Variants in GLIS3 observed in about 807,000 individuals in gnomAD.
GLIS3 encodes the protein GLIS family zinc finger 3.
Under a neutral mutation model 78.6 loss-of-function variants are expected in GLIS3, and 53 were observed. The observed-to-expected ratio is 0.67, with a 90% confidence interval of 0.54 to 0.85. GLIS3 has a LOEUF of 0.85. Among genes scored for constraint, GLIS3 ranks in the 40% least tolerant of loss-of-function variants. GLIS3 has a pLI of 0.00. For missense variants in GLIS3, 1,703 were observed against 1,231.1 expected, an observed-to-expected ratio of 1.38 and a Z score of -5.74; for synonymous variants, 684 against 509.9, an observed-to-expected ratio of 1.34 and a Z score of -4.60.
intron 1 of GLIS3, among the ~76,000 whole-genome samples, chr9:4,292,269 A>G (rs1230662038): frequency 6.6e-6 from 1 of 152,220 alleles, no homozygotes; most frequent in Non-Finnish European, 1.5e-5. Context: ...AGAATAAAAT[A>G]GAAGCTATTG....
chr9:3,865,991 T>C (rs546291206), intron 8 of GLIS3, among the ~76,000 whole-genome samples: 31 of 152,270 alleles, frequency 2.0e-4, no homozygotes, highest in Non-Finnish European at 3.8e-4. Flanking sequence ...GAAACTGACG[T>C]CAGTGTCTCC....
At chr9:4,430,908 T>C in the GLIS3 span, among the ~76,000 whole-genome samples, 2 of 152,174 alleles carry the variant, frequency 1.3e-5, no homozygotes, top group Non-Finnish European at 2.9e-5. Context: ...TAAAAGGTTG[T>C]CACAAACTGC....
intron 2 of GLIS3, among the ~76,000 whole-genome samples, chr9:4,345,786 G>C (rs1023505002): frequency 1.3e-5 from 2 of 152,214 alleles, no homozygotes; most frequent in Non-Finnish European, 2.9e-5. Context: ...AAAGCAAAAA[G>C]AGCTGAAAGT....
At chr9:3,846,462 A>G (rs890307016) in intron 9 of GLIS3, among the ~76,000 whole-genome samples, 2 of 152,314 alleles carry the variant, frequency 1.3e-5, no homozygotes, top group South Asian at 2.1e-4. Flanking sequence ...AACAGCTGCA[A>G]TGACGTGAGC....
intron 2 of GLIS3, among the ~76,000 whole-genome samples, chr9:4,321,856 A>G (rs1366078158): frequency 1.3e-5 from 2 of 152,010 alleles, no homozygotes; most frequent in African/African-American, 2.4e-5. Context: ...TTATAGGTGT[A>G]CACTACCACA....
the GLIS3 span, among the ~76,000 whole-genome samples, chr9:4,435,506 C>G: frequency 1.2e-4 from 18 of 152,328 alleles, no homozygotes; most frequent in African/African-American, 4.1e-4. Flanking sequence ...ACAAGATCAT[C>G]AAAAGGCATC....
At chr9:3,957,134 C>T (rs1027705874) in intron 4 of GLIS3, among the ~76,000 whole-genome samples, 2 of 152,198 alleles carry the variant, frequency 1.3e-5, no homozygotes, top group Non-Finnish European at 2.9e-5. Context: ...CAGTCTATAT[C>T]TGTTCTTTCT....
At chr9:4,169,537 C>T (rs532820478) in intron 2 of GLIS3, among the ~76,000 whole-genome samples, 6 of 152,198 alleles carry the variant, frequency 3.9e-5, no homozygotes, top group South Asian at 2.1e-4. Flanking sequence ...CAAAGCACAC[C>T]GGGAAAATTG....
chr9:4,190,620 C>T (rs571614604), intron 2 of GLIS3, among the ~76,000 whole-genome samples: 1 of 151,568 alleles, frequency 6.6e-6, no homozygotes, highest in Non-Finnish European at 1.5e-5. Context: ...AGGATATTAT[C>T]CAGGAGAACT....
the GLIS3 span, among the ~76,000 whole-genome samples, chr9:4,376,147 G>A: frequency 6.6e-6 from 1 of 152,152 alleles, no homozygotes; most frequent in Admixed American, 6.6e-5. Context: ...GGTTTGGTGT[G>A]CGCTCCTTCA....
chr9:4,400,174 C>A, the GLIS3 span, among the ~76,000 whole-genome samples: 9 of 152,168 alleles, frequency 5.9e-5, no homozygotes, highest in African/African-American at 2.2e-4. Context: ...CCTATCGCTT[C>A]TCGGCCTTTT....
At chr9:4,222,529 C>A (rs1821418443) in intron 2 of GLIS3, among the ~76,000 whole-genome samples, 1 of 152,192 alleles carries the variant, frequency 6.6e-6, no homozygotes, top group Non-Finnish European at 1.5e-5. Flanking sequence ...CATAAATAGA[C>A]CCAGCCAAGA....
At chr9:4,334,772 G>A (rs1012409404) in intron 2 of GLIS3, among the ~76,000 whole-genome samples, 1 of 152,124 alleles carries the variant, frequency 6.6e-6, no homozygotes, top group African/African-American at 2.4e-5. Context: ...CACTTACAGC[G>A]AACCTGGGGC....
intron 2 of GLIS3, among the ~76,000 whole-genome samples, chr9:4,187,566 A>C (rs527493416): frequency 6.8e-4 from 104 of 152,326 alleles, no homozygotes; most frequent in Non-Finnish European, 2.8e-4. Flanking sequence ...GATGGCATTG[A>C]ATCTATAAAT....
chr9:4,164,744 A>G (rs1835751585), intron 2 of GLIS3, among the ~76,000 whole-genome samples: 1 of 152,262 alleles, frequency 6.6e-6, no homozygotes, highest in Admixed American at 6.5e-5. Context: ...AAGATATTGT[A>G]TAAAGTGAGA....
intron 2 of GLIS3, among the ~76,000 whole-genome samples, chr9:4,163,269 C>CGT (rs1586849464): frequency 1.3e-5 from 2 of 151,586 alleles, no homozygotes; most frequent in East Asian, 1.9e-4. Context: ...CACACACACA[C>CGT]GCGCACGCGC....
At chr9:4,085,771 C>A (rs557840017) in intron 4 of GLIS3, among the ~76,000 whole-genome samples, 2 of 152,160 alleles carry the variant, frequency 1.3e-5, no homozygotes, top group African/African-American at 4.8e-5. Flanking sequence ...AATGGTGGCA[C>A]CCCACTCTCT....
intron 2 of GLIS3, among the ~76,000 whole-genome samples, chr9:4,193,870 A>T (rs7046740): frequency 4.6e-5 from 7 of 152,138 alleles, no homozygotes; most frequent in Non-Finnish European, 1.0e-4. Context: ...TCATGTGCCA[A>T]ATATGGACTT....
Position 4,326,351 on chromosome 9 carries a change from A to C in GLIS3, n.265-15823T>G, listed in dbSNP as rs922605637. Among the ~76,000 whole-genome samples, 9 of 152,262 alleles carry C rather than the reference A, an allele frequency of 5.9e-5. 1 individual carries two copies. Among genetic ancestry groups the C allele is most frequent in the African/African-American group, 1.9e-4 (8 of 41,464 alleles). ...TGGATAAACAAAATGTGGTATATAC[A>C]TACAATGGAATATTATTCAGCCTTC... On this transcript the variant is annotated intron_variant and non_coding_transcript_variant, in intron 2 of 4. Coordinates refer to the GLIS3 transcript ENST00000471664.
Sources: gnomAD v4.1 joint callset for allele counts (sites outside exome capture counted in the v4.1 genomes callset) on GRCh38, gnomAD v4.1.1 for gene constraint, MANE v1.5 for transcripts, NCBI Gene and HGNC (gene_info 2026-07-23, HGNC 2026-07-21) for gene names.